The following CMSS1 variants were observed in gnomAD, a reference collection of about 807,000 sequenced individuals.
CMSS1 encodes the protein protein CMSS1.
Under a neutral mutation model 43.5 loss-of-function variants are expected in CMSS1, and 33 were observed. The ratio of observed to expected loss-of-function variants is 0.76; its 90% CI spans 0.57 to 1.01. The LOEUF is 1.01. CMSS1 is among the 50% of genes least tolerant of loss of function. CMSS1 has a pLI of 0.00. For missense variants in CMSS1, 313 were observed against 326.4 expected (o/e 0.96, Z 0.32); for synonymous variants, 115 against 117.2 (o/e 0.98, Z 0.12).
At chr3:99,982,181 TG>T (rs907853819) in intron 1 of CMSS1, among the ~76,000 whole-genome samples, 21 of 152,278 alleles carry the variant, frequency 1.4e-4, no homozygotes, top group Admixed American at 2.0e-4. Context: ...TTTTAGTATA[TG>T]TTTTTTTAAT....
At chr3:99,945,924 G>A (rs999135294) in intron 1 of CMSS1, among the ~76,000 whole-genome samples, 5 of 152,258 alleles carry the variant, frequency 3.3e-5, no homozygotes, top group African/African-American at 1.2e-4. Flanking sequence ...ACATGCTTTT[G>A]TGTCCACAGC....
rs2067168188 is a variant in CMSS1 at position 100,178,825 on chromosome 3, C to CA, written c.*442dup. 6.3e-6 allele frequency: 1 copy of CA among 159,018 alleles called. No homozygotes were observed. The highest frequency in any genetic ancestry group is 1.4e-5 in the Non-Finnish European group (1 of 71,890). The allele number at this position is 159,018 out of a possible 1,614,324, so 9.9% of individuals were successfully genotyped here. ...TGTAAACTCTGAGGCATGGTCCCAGCAAAAAGGGTGGCAGGTATATTAATC... is the reference window on the plus strand; with the variant it reads ...TGTAAACTCTGAGGCATGGTCCCAGCAAAAAAGGGTGGCAGGTATATTAATC... On this transcript the variant is annotated 3_prime_UTR_variant, in exon 10 of 10. Coordinates refer to ENST00000421999, the MANE Select transcript of CMSS1 (RefSeq NM_032359.4).
At chr3:99,836,687 C>G (rs1942912204) in intron 1 of CMSS1, among the ~76,000 whole-genome samples, 1 of 152,206 alleles carries the variant, frequency 6.6e-6, no homozygotes, top group Non-Finnish European at 1.5e-5. Flanking sequence ...AAGAATATAA[C>G]TAGTTCTGAG....
chr3:100,161,515 C>T (rs2067023047), intron 3 of CMSS1, among the ~76,000 whole-genome samples: 1 of 151,680 alleles, frequency 6.6e-6, no homozygotes, highest in Admixed American at 6.6e-5. Context: ...GAGGCTTGAC[C>T]ATTCTTGGCA....
intron 1 of CMSS1, among the ~76,000 whole-genome samples, chr3:99,841,327 G>T (rs371692670): frequency 6.6e-6 from 1 of 152,154 alleles, no homozygotes; most frequent in East Asian, 1.9e-4. Context: ...AGATAAACTG[G>T]AGCTTTCCAT....
chr3:100,175,831 C>A (rs1174516209), intron 8 of CMSS1, among the ~76,000 whole-genome samples: 1 of 152,122 alleles, frequency 6.6e-6, no homozygotes, highest in East Asian at 1.9e-4. Context: ...ATTTACCAAC[C>A]TCATCGAAGG....
chr3:100,025,406 TTCTTC>T (rs2064900808), intron 1 of CMSS1: 1 of 152,228 alleles, frequency 6.6e-6, no homozygotes, highest in African/African-American at 2.4e-5. Flanking sequence ...ATCACTTTCC[TTCTTC>T]TCTTCCTTCC....
chr3:100,012,789 G>A (rs1710198577), intron 1 of CMSS1, among the ~76,000 whole-genome samples: 1 of 139,870 alleles, frequency 7.1e-6, no homozygotes, highest in Non-Finnish European at 1.6e-5. Flanking sequence ...TGGGTTGGGG[G>A]AGGGACAGGT....
chr3:99,882,162 A>G (rs1180268119), intron 1 of CMSS1, among the ~76,000 whole-genome samples: 1 of 152,230 alleles, frequency 6.6e-6, no homozygotes, highest in East Asian at 1.9e-4. Context: ...AAAATAAAGC[A>G]TCCAGGAAGT....
intron 6 of CMSS1, among the ~76,000 whole-genome samples, chr3:100,170,471 A>G (rs897421019): frequency 3.3e-5 from 5 of 152,242 alleles, no homozygotes; most frequent in African/African-American, 7.2e-5. Context: ...GGTGGCCCCA[A>G]CTGGGGGCCT....
chr3:100,101,598 G>A (rs879409138), intron 1 of CMSS1, among the ~76,000 whole-genome samples: 2 of 151,980 alleles, frequency 1.3e-5, no homozygotes, highest in Admixed American at 6.6e-5. Flanking sequence ...ACACAGGAGG[G>A]GTTGGGATGT....
intron 1 of CMSS1, among the ~76,000 whole-genome samples, chr3:99,955,148 G>T (rs1254279761): frequency 1.3e-5 from 2 of 152,152 alleles, no homozygotes; most frequent in Non-Finnish European, 2.9e-5. Flanking sequence ...CAATTCTATG[G>T]CTGTATCATT....
At chr3:99,872,146 G>C (rs1158898062) in intron 1 of CMSS1, among the ~76,000 whole-genome samples, 1 of 152,154 alleles carries the variant, frequency 6.6e-6, no homozygotes, top group Non-Finnish European at 1.5e-5. Flanking sequence ...CCTCTGCATA[G>C]CTGTGTCTCT....
chr3:100,122,819 A>G (rs143932891), intron 1 of CMSS1, among the ~76,000 whole-genome samples: 1,604 of 152,340 alleles, frequency 0.011, 34 homozygotes, highest in African/African-American at 0.036. Context: ...AAATGAATAC[A>G]TGAAAAACCT....
intron 1 of CMSS1, among the ~76,000 whole-genome samples, chr3:99,836,267 T>C (rs577180989): frequency 6.6e-6 from 1 of 151,432 alleles, no homozygotes; most frequent in South Asian, 2.1e-4. Context: ...TATGACAGAG[T>C]GGAGGATGAG....
chr3:100,146,347 T>A (rs2066849693), intron 1 of CMSS1, among the ~76,000 whole-genome samples: 1 of 152,190 alleles, frequency 6.6e-6, no homozygotes, highest in African/African-American at 2.4e-5. Context: ...TCACAATCTC[T>A]CAACATTTCC....
rs574769388 is a variant in CMSS1 at position 100,035,154 on chromosome 3, T to C, written c.65-111819T>C. On this transcript the variant is annotated intron_variant, in intron 1 of 9. Coordinates refer to ENST00000421999, the MANE Select transcript of CMSS1 (RefSeq NM_032359.4). The stretch of plus-strand genomic sequence containing the variant: ...TTCAAGTTTGTGCTTTCTAGGATTA[T>C]TAGCAATTTGATGATGAAAGCCATC... Among the ~76,000 whole-genome samples the C allele has an allele frequency of 5.3e-5, 8 of 152,358 alleles. No homozygotes were observed. In the South Asian group the frequency reaches 1.7e-3, roughly 32 times the overall value.
intron 1 of CMSS1, among the ~76,000 whole-genome samples, chr3:99,856,043 C>T (rs183817238): frequency 1.3e-5 from 2 of 152,264 alleles, no homozygotes; most frequent in African/African-American, 4.8e-5. Context: ...GCTGAAGAAA[C>T]AAGGCACTGC....
intron 1 of CMSS1, among the ~76,000 whole-genome samples, chr3:100,139,742 A>G (rs1309050023): frequency 6.7e-6 from 1 of 149,808 alleles, no homozygotes; most frequent in Non-Finnish European, 1.5e-5. Flanking sequence ...GGTTGCAGTT[A>G]GCTGAGATCG....
Sources: gnomAD v4.1 joint callset for allele counts (sites outside exome capture counted in the v4.1 genomes callset) on GRCh38, gnomAD v4.1.1 for gene constraint, MANE v1.5 for transcripts, NCBI Gene and HGNC (gene_info 2026-07-23, HGNC 2026-07-21) for gene names.